Variants in THADA observed in about 807,000 individuals in gnomAD.
THADA encodes THADA armadillo repeat containing.
In THADA, 213 loss-of-function variants were observed where a neutral mutation model predicts 219.8. That is an observed-to-expected ratio of 0.97 (90% CI 0.87 to 1.09). THADA has a LOEUF of 1.09. Among genes scored for constraint, THADA ranks in the 50% least tolerant of loss-of-function variants. The probability of loss-of-function intolerance (pLI) is 0.00; values close to 1 mark genes in which losing one functional copy is unlikely to be tolerated. For missense variants in THADA, 2,956 were observed against 2,311.3 expected, an observed-to-expected ratio of 1.28 and a Z score of -5.72; for synonymous variants, 1,018 against 828.9, an observed-to-expected ratio of 1.23 and a Z score of -3.92.
At chr2:43,388,476 T>A (rs1672964970) in intron 29 of THADA, among the ~76,000 whole-genome samples, 1 of 152,218 alleles carries the variant, frequency 6.6e-6, no homozygotes. Context: ...CTGTATCTCC[T>A]TTCACTTTAT....
chr2:43,232,886 C>A lies in THADA; in HGVS notation c.5297-4G>T, dbSNP rs750034429. 5 of 1,606,380 alleles carry A rather than the reference C, an allele frequency of 3.1e-6. No individual in the cohort carries two copies. The highest frequency in any genetic ancestry group is 4.2e-6 in the Non-Finnish European group (5 of 1,176,886). On this transcript the variant is annotated splice_polypyrimidine_tract_variant and splice_region_variant and intron_variant, in intron 36 of 37. Coordinates refer to ENST00000405975, the MANE Select transcript of THADA (RefSeq NM_022065.5). ...TCCACCTGGCAGAAGGCAAACTCTG[C>A]AAAGACAGGAGAAAGGTGAGCAATG...
chr2:43,535,196 T>C (rs1486137687), intron 21 of THADA, among the ~76,000 whole-genome samples: 1 of 140,644 alleles, frequency 7.1e-6, no homozygotes, highest in Non-Finnish European at 1.5e-5. Flanking sequence ...TTTTTTTTGC[T>C]GTTGAGATGT....
chr2:43,348,624 A>C (rs1242421811), intron 29 of THADA, among the ~76,000 whole-genome samples: 1 of 152,056 alleles, frequency 6.6e-6, no homozygotes, highest in East Asian at 1.9e-4. Context: ...CATCTGAGAG[A>C]GCTTCTGCGG....
At chr2:43,359,434 C>G (rs1352451047) in intron 29 of THADA, among the ~76,000 whole-genome samples, 1 of 152,202 alleles carries the variant, frequency 6.6e-6, no homozygotes, top group Admixed American at 6.5e-5. Flanking sequence ...AATCCCAGGA[C>G]TTTGGGAGGC....
intron 26 of THADA, among the ~76,000 whole-genome samples, chr2:43,468,498 C>G (rs1315722475): frequency 6.6e-6 from 1 of 152,094 alleles, no homozygotes; most frequent in Non-Finnish European, 1.5e-5. Context: ...AATAAAGGGT[C>G]AGTAAAGCTT....
chr2:43,572,110 C>T (rs888595546), intron 12 of THADA, among the ~76,000 whole-genome samples: 2 of 152,108 alleles, frequency 1.3e-5, no homozygotes, highest in Admixed American at 1.3e-4. Context: ...CGTGGTAATG[C>T]TCAGCTTCAT....
At chr2:43,248,802 C>T (rs1350246462) in intron 36 of THADA, among the ~76,000 whole-genome samples, 1 of 152,152 alleles carries the variant, frequency 6.6e-6, no homozygotes, top group African/African-American at 2.4e-5. Flanking sequence ...CACAGGCTTC[C>T]TGTCCCCACA....
At chr2:43,430,679 T>C (rs936294925) in intron 26 of THADA, 2 of 456,420 alleles carry the variant, frequency 4.4e-6, no homozygotes, top group African/African-American at 4.0e-5. Context: ...TAAGGACAGG[T>C]CTAGAACAAG....
At chr2:43,568,510 T>A (rs1030303827) in intron 14 of THADA, among the ~76,000 whole-genome samples, 4 of 152,124 alleles carry the variant, frequency 2.6e-5, no homozygotes, top group Admixed American at 1.3e-4. Context: ...AGATTAAGAC[T>A]CAAAGGACTA....
chr2:43,568,807 T>C (rs1574297896), intron 14 of THADA, among the ~76,000 whole-genome samples: 2 of 151,818 alleles, frequency 1.3e-5, no homozygotes, highest in Admixed American at 1.3e-4. Context: ...CTTTGGGAGG[T>C]GGAGTGGGGG....
chr2:43,435,283 C>T (rs984329954), intron 26 of THADA, among the ~76,000 whole-genome samples: 3 of 151,884 alleles, frequency 2.0e-5, no homozygotes, highest in Non-Finnish European at 4.4e-5. Context: ...GGAGAAATCC[C>T]ATCTCTACTA....
chr2:43,536,891 G>T (rs1053579038), intron 21 of THADA, among the ~76,000 whole-genome samples: 2 of 152,134 alleles, frequency 1.3e-5, no homozygotes, highest in Admixed American at 6.5e-5. Context: ...GCATTTAAGT[G>T]TTTATCAGAG....
chr2:43,505,145 G>C (rs112336314), intron 24 of THADA, among the ~76,000 whole-genome samples: 1 of 152,050 alleles, frequency 6.6e-6, no homozygotes, highest in South Asian at 2.1e-4. Flanking sequence ...GTACATCAAC[G>C]CAAAGAAGCA....
intron 34 of THADA, among the ~76,000 whole-genome samples, chr2:43,291,454 C>CAAAAAAAAAAAAAAAAAA (rs765352765): frequency 3.2e-3 from 26 of 8,076 alleles, no homozygotes; most frequent in African/African-American, 4.6e-3. Flanking sequence ...AACTCCATCT[C>CAAAAAAAAAAAAAAAAAA]AAAAAAAAAA....
At chr2:43,274,668 A>G (rs1252551257) in intron 36 of THADA, among the ~76,000 whole-genome samples, 4 of 152,118 alleles carry the variant, frequency 2.6e-5, no homozygotes, top group Non-Finnish European at 5.9e-5. Context: ...TTCCCGCTAA[A>G]TGTCCATATT....
At chr2:43,480,200 C>G (rs1686020298) in intron 26 of THADA, among the ~76,000 whole-genome samples, 1 of 152,200 alleles carries the variant, frequency 6.6e-6, no homozygotes, top group Admixed American at 6.5e-5. Context: ...TTAGGTCCCT[C>G]TTCTGTGAAA....
intron 28 of THADA, among the ~76,000 whole-genome samples, chr2:43,427,113 A>C (rs1179045655): frequency 6.6e-6 from 1 of 152,202 alleles, no homozygotes; most frequent in Non-Finnish European, 1.5e-5. Context: ...ACAAACGTAA[A>C]AGAGAAGACG....
intron 1 of THADA, among the ~76,000 whole-genome samples, chr2:43,593,745 T>G (rs1005896299): frequency 4.6e-5 from 7 of 150,924 alleles, no homozygotes; most frequent in African/African-American, 7.3e-5. Flanking sequence ...GCCATTCTCC[T>G]GCCTCAGCCT....
chr2:43,310,241 A>C, intron 31 of THADA, among the ~76,000 whole-genome samples: 1 of 67,950 alleles, frequency 1.5e-5, no homozygotes, highest in South Asian at 5.5e-4. Flanking sequence ...CCCCCCAAAC[A>C]AGCTGATCCT....
Sources: allele counts gnomAD v4.1 joint callset (sites outside exome capture counted in the v4.1 genomes callset), GRCh38; gene constraint gnomAD v4.1.1; transcripts MANE v1.5; gene names NCBI Gene and HGNC (gene_info 2026-07-23, HGNC 2026-07-21).